Variants in QTMAN observed in about 807,000 individuals in gnomAD.
QTMAN encodes tRNA-queuosine alpha-mannosyltransferase.
chr2:144,171,199 T>C, the QTMAN span, among the ~76,000 whole-genome samples: 2 of 152,178 alleles, frequency 1.3e-5, no homozygotes, highest in Non-Finnish European at 2.9e-5. Flanking sequence ...TGTAACTATA[T>C]GCTATTATTA....
the QTMAN span, among the ~76,000 whole-genome samples, chr2:144,273,085 G>A: frequency 2.0e-5 from 3 of 151,932 alleles, no homozygotes; most frequent in African/African-American, 4.8e-5. Flanking sequence ...AAATAATCCA[G>A]TATTTATGTA....
At chr2:144,075,324 G>A in the QTMAN span, among the ~76,000 whole-genome samples, 426 of 152,290 alleles carry the variant, frequency 2.8e-3, 2 homozygotes, top group Non-Finnish European at 4.6e-3. Context: ...TGTTAAAAGC[G>A]TCACTTTTTC....
the QTMAN span, among the ~76,000 whole-genome samples, chr2:144,276,206 G>T: frequency 5.3e-5 from 8 of 151,266 alleles, no homozygotes; most frequent in South Asian, 4.2e-4. Context: ...TAAAATTCTG[G>T]TTTTTTTTAA....
chr2:144,068,424 C>T, the QTMAN span, among the ~76,000 whole-genome samples: 1 of 152,158 alleles, frequency 6.6e-6, no homozygotes, highest in African/African-American at 2.4e-5. Flanking sequence ...TGTAATTCCA[C>T]AAAAACATCA....
At chr2:144,321,261 C>T in the QTMAN span, among the ~76,000 whole-genome samples, 1 of 152,202 alleles carries the variant, frequency 6.6e-6, no homozygotes, top group Non-Finnish European at 1.5e-5. Flanking sequence ...TGCTTCAAAA[C>T]GCCTCTCTTG....
At chr2:144,041,162 G>T in the QTMAN span, among the ~76,000 whole-genome samples, 1 of 152,010 alleles carries the variant, frequency 6.6e-6, no homozygotes, top group South Asian at 2.1e-4. Flanking sequence ...TAAATTTTGG[G>T]GTCAAGCGAT....
chr2:144,073,982 T>C, the QTMAN span, among the ~76,000 whole-genome samples: 2 of 152,196 alleles, frequency 1.3e-5, no homozygotes, highest in Admixed American at 6.5e-5. Flanking sequence ...GGGTAGTTAA[T>C]AGCAGAGCTG....
At chr2:144,109,454 C>G in the QTMAN span, among the ~76,000 whole-genome samples, 4 of 152,076 alleles carry the variant, frequency 2.6e-5, no homozygotes, top group Admixed American at 1.3e-4. Flanking sequence ...TAGAAGAAAA[C>G]CTAGGCAATA....
the QTMAN span, among the ~76,000 whole-genome samples, chr2:144,176,294 G>T: frequency 1.3e-5 from 2 of 152,112 alleles, no homozygotes; most frequent in Admixed American, 6.5e-5. Flanking sequence ...TTAACCAAAT[G>T]TAACAGCTAC....
At chr2:144,168,550 G>A in the QTMAN span, among the ~76,000 whole-genome samples, 4 of 152,214 alleles carry the variant, frequency 2.6e-5, no homozygotes, top group African/African-American at 9.6e-5. Context: ...TTGGTCATAG[G>A]TTGATAATTA....
the QTMAN span, among the ~76,000 whole-genome samples, chr2:144,134,848 T>G: frequency 6.6e-6 from 1 of 152,084 alleles, no homozygotes; most frequent in Non-Finnish European, 1.5e-5. Context: ...GGTGTTTTTT[T>G]AAGATCTCCA....
the QTMAN span, among the ~76,000 whole-genome samples, chr2:144,109,752 A>G: frequency 6.6e-6 from 1 of 152,216 alleles, no homozygotes; most frequent in African/African-American, 2.4e-5. Flanking sequence ...ACACTTCTCA[A>G]AAGAAGACAT....
the QTMAN span, among the ~76,000 whole-genome samples, chr2:144,134,021 G>A: frequency 6.6e-6 from 1 of 152,098 alleles, no homozygotes; most frequent in African/African-American, 2.4e-5. Context: ...GTGGTAAGAA[G>A]ATTAAGGTGT....
the QTMAN span, among the ~76,000 whole-genome samples, chr2:143,986,927 G>C: frequency 6.6e-6 from 1 of 152,164 alleles, no homozygotes; most frequent in Admixed American, 6.5e-5. Flanking sequence ...GGTAAGAATT[G>C]TGTGAAATAT....
the QTMAN span, among the ~76,000 whole-genome samples, chr2:144,174,476 G>A: frequency 5.3e-5 from 8 of 152,252 alleles, no homozygotes; most frequent in East Asian, 1.5e-3. Flanking sequence ...AGATGAAAAT[G>A]TAAATTCAGT....
At chr2:144,321,208 C>T in the QTMAN span, among the ~76,000 whole-genome samples, 20,597 of 152,230 alleles carry the variant, frequency 0.14, 1,697 homozygotes, top group South Asian at 0.18. Flanking sequence ...CTATCACCCA[C>T]CACCCACGTG....
At chr2:144,309,918 A>C in the QTMAN span, among the ~76,000 whole-genome samples, 1 of 150,772 alleles carries the variant, frequency 6.6e-6, no homozygotes, top group Non-Finnish European at 1.5e-5. Flanking sequence ...TTATGCATTA[A>C]GTGCCAACTG....
At chr2:144,019,407 G>A in the QTMAN span, among the ~76,000 whole-genome samples, 18 of 146,350 alleles carry the variant, frequency 1.2e-4, no homozygotes, top group Admixed American at 8.2e-4. Flanking sequence ...GCAGAGAGGG[G>A]GAGGCAGAAT....
chr2:144,100,855 CTTTCTTTTTTTTTTTTTT>C, the QTMAN span, among the ~76,000 whole-genome samples: 1 of 99,166 alleles, frequency 1.0e-5, no homozygotes, highest in Non-Finnish European at 2.1e-5. Context: ...TTTAGTCTTT[CTTTCTTTTTTTTTTTTTT>C]TTTTTTTTTT....
Sources: gnomAD v4.1 joint callset for allele counts (sites outside exome capture counted in the v4.1 genomes callset) on GRCh38, gnomAD v4.1.1 for gene constraint, MANE v1.5 for transcripts, NCBI Gene and HGNC (gene_info 2026-07-23, HGNC 2026-07-21) for gene names.